SLC25A48: variants seen among roughly 807,000 people sequenced by gnomAD.
SLC25A48 encodes the protein solute carrier family 25 member 48.
Under a neutral mutation model 32.2 loss-of-function variants are expected in SLC25A48, and 29 were observed. The ratio of observed to expected loss-of-function variants is 0.90; its 90% CI spans 0.67 to 1.23. The LOEUF (loss-of-function observed/expected upper bound fraction) is 1.23. Ranked by LOEUF, SLC25A48 falls within the 50% of genes most tolerant of loss-of-function variation. The pLI is 0.00. For missense variants in SLC25A48, 399 were observed against 422.7 expected (o/e 0.94, Z 0.49); for synonymous variants, 164 against 172.3 (o/e 0.95, Z 0.38).
In SLC25A48 at chr5:135,758,183, T is replaced by C. The variant is rs536266007; in HGVS notation, c.-520-54340T>C. 2.4e-4 allele frequency among the ~76,000 whole-genome samples: 36 copies of C among 150,862 alleles called. No homozygotes were observed. In the South Asian group the frequency reaches 2.9e-3, roughly 12 times the overall value. ...AATACCATCTCTATAATATTTGTAA[T>C]ATTTCCAGTGTTGTTAGCACACAAT... is the stretch of plus-strand genomic sequence containing the variant. On this transcript the variant is annotated intron_variant, in intron 3 of 10. Coordinates refer to the SLC25A48 transcript ENST00000646290.
At chr5:135,611,702 AC>A (rs1433797419) in intron 1 of SLC25A48, among the ~76,000 whole-genome samples, 2 of 151,998 alleles carry the variant, frequency 1.3e-5, no homozygotes, top group African/African-American at 2.4e-5. Flanking sequence ...ACAGTGTGAG[AC>A]TCTGTCTCAA....
intron 1 of SLC25A48, among the ~76,000 whole-genome samples, chr5:135,602,110 G>A (rs900371000): frequency 6.6e-6 from 1 of 152,106 alleles, no homozygotes; most frequent in African/African-American, 2.4e-5. Flanking sequence ...ACAGAGCCAG[G>A]GCCCACAGCA....
intron 3 of SLC25A48, among the ~76,000 whole-genome samples, chr5:135,670,121 C>A (rs1330559202): frequency 3.9e-5 from 6 of 152,060 alleles, no homozygotes; most frequent in Non-Finnish European, 5.9e-5. Flanking sequence ...TCAAGTCATC[C>A]CAGATTTCAG....
intron 3 of SLC25A48, among the ~76,000 whole-genome samples, chr5:135,724,178 A>G (rs778206233): frequency 3.9e-5 from 6 of 152,212 alleles, no homozygotes; most frequent in Non-Finnish European, 7.3e-5. Flanking sequence ...AAGAGCTGCC[A>G]TTTATTGAGC....
intron 1 of SLC25A48, among the ~76,000 whole-genome samples, chr5:135,602,609 T>G (rs201120068): frequency 6.9e-6 from 1 of 145,100 alleles, no homozygotes; most frequent in African/African-American, 2.6e-5. Context: ...TTTTTTTTTT[T>G]CTTTCTTTTT....
chr5:135,814,709 C>G (rs1225359033), intron 4 of SLC25A48, among the ~76,000 whole-genome samples: 2 of 152,202 alleles, frequency 1.3e-5, no homozygotes, highest in African/African-American at 4.8e-5. Context: ...AATCCCCAGC[C>G]CTGGTGTGAT....
chr5:135,886,429 G>A (rs1762715626), intron 7 of SLC25A48, among the ~76,000 whole-genome samples: 1 of 150,580 alleles, frequency 6.6e-6, no homozygotes, highest in African/African-American at 2.4e-5. Flanking sequence ...CTCAGCTCCA[G>A]CCCAAACAAA....
chr5:135,795,763 T>C (rs556604851), intron 3 of SLC25A48, among the ~76,000 whole-genome samples: 2 of 151,214 alleles, frequency 1.3e-5, no homozygotes, highest in South Asian at 2.1e-4. Context: ...AGAGTGTGAC[T>C]GCTCTCCATA....
intron 3 of SLC25A48, among the ~76,000 whole-genome samples, chr5:135,643,728 G>C (rs1298402781): frequency 6.6e-6 from 1 of 152,150 alleles, no homozygotes; most frequent in African/African-American, 2.4e-5. Context: ...GAGCTCCCAG[G>C]TTAGTGAGCA....
intron 3 of SLC25A48, among the ~76,000 whole-genome samples, chr5:135,697,480 C>G (rs1754295760): frequency 6.6e-6 from 1 of 152,224 alleles, no homozygotes; most frequent in Non-Finnish European, 1.5e-5. Context: ...GGCTCATGAC[C>G]TTGGCACATC....
At chr5:135,699,015 T>C (rs955255594) in intron 3 of SLC25A48, among the ~76,000 whole-genome samples, 3 of 152,046 alleles carry the variant, frequency 2.0e-5, no homozygotes, top group Admixed American at 6.5e-5. Context: ...AATAGAATGA[T>C]GAAAATAAAA....
rs1247721675 is a variant in SLC25A48 at position 135,784,688 on chromosome 5, TGTTACTCCCAATATCGCAGGAA to T, written c.-520-27832_-520-27811del. Among the ~76,000 whole-genome samples, 71 of 118,950 alleles carry T rather than the reference TGTTACTCCCAATATCGCAGGAA, an allele frequency of 6.0e-4. 11 individuals carry two copies. Among genetic ancestry groups the T allele is most frequent in the African/African-American group, 1.6e-3 (64 of 39,098 alleles). The allele number at this position is 118,950 out of a possible 152,430, so 78.0% of individuals were successfully genotyped here. ...TAATATCCAGGATGGGAGAAGATGA[TGTTACTCCCAATATCGCAGGAA>T]GTGTACATTCCCTCCATAGTATTTT... On this transcript the variant is annotated intron_variant, in intron 3 of 10. Coordinates refer to the SLC25A48 transcript ENST00000646290.
chr5:135,799,689 G>A (rs1561499057), intron 3 of SLC25A48, among the ~76,000 whole-genome samples: 1 of 151,540 alleles, frequency 6.6e-6, no homozygotes, highest in Non-Finnish European at 1.5e-5. Context: ...GCAAAGGGTG[G>A]ACATCTTTCC....
At chr5:135,885,109 C>T (rs992548037) in intron 7 of SLC25A48, among the ~76,000 whole-genome samples, 19 of 152,064 alleles carry the variant, frequency 1.2e-4, no homozygotes, top group Admixed American at 8.5e-4. Flanking sequence ...GGCTATTTTA[C>T]GGTGTAAAAA....
At chr5:135,590,012 G>C (rs1277256224) in intron 1 of SLC25A48, among the ~76,000 whole-genome samples, 1 of 152,150 alleles carries the variant, frequency 6.6e-6, no homozygotes, top group Non-Finnish European at 1.5e-5. Context: ...TTTAAATCCA[G>C]TCTATTGGTT....
At chr5:135,763,754 A>AACACACAC (rs747888245) in intron 3 of SLC25A48, among the ~76,000 whole-genome samples, 9,344 of 145,854 alleles carry the variant, frequency 0.064, 364 homozygotes, top group African/African-American at 0.1. Flanking sequence ...GAGAAATAGG[A>AACACACAC]ACACACACAT....
chr5:135,608,561 G>C (rs1257252620), intron 1 of SLC25A48, among the ~76,000 whole-genome samples: 1 of 152,228 alleles, frequency 6.6e-6, no homozygotes, highest in East Asian at 1.9e-4. Flanking sequence ...ATGTGGGGCT[G>C]CGCCTGTCTT....
chr5:135,585,636 C>T (rs17168684), intron 1 of SLC25A48, among the ~76,000 whole-genome samples: 12,108 of 152,152 alleles, frequency 0.08, 491 homozygotes, highest in South Asian at 0.15. Context: ...GCAGGATGAA[C>T]GAATGCAGGA....
At chr5:135,789,708 C>A (rs975320983) in intron 3 of SLC25A48, among the ~76,000 whole-genome samples, 1 of 146,536 alleles carries the variant, frequency 6.8e-6, no homozygotes, top group Non-Finnish European at 1.5e-5. Flanking sequence ...GGGTGTACAC[C>A]CTTCTGTGAT....
Sources: allele counts gnomAD v4.1 joint callset (sites outside exome capture counted in the v4.1 genomes callset), GRCh38; gene constraint gnomAD v4.1.1; transcripts MANE v1.5; gene names NCBI Gene and HGNC (gene_info 2026-07-23, HGNC 2026-07-21).